Variants in NFASC observed in about 807,000 individuals in gnomAD.
The protein encoded by NFASC is neurofascin homolog.
NFASC carries 43 observed loss-of-function variants against 147.5 expected under a neutral mutation model. The ratio of observed to expected loss-of-function variants is 0.29; its 90% confidence interval spans 0.23 to 0.38. The LOEUF (loss-of-function observed/expected upper bound fraction) is 0.38. Among genes scored for constraint, NFASC ranks in the 10% least tolerant of loss-of-function variants. NFASC has a pLI of 1.00. For missense variants in NFASC, 1,320 were observed against 1,689.0 expected (o/e 0.78, Z 3.83); for synonymous variants, 622 against 665.5 (o/e 0.93, Z 1.01).
At chr1:204,901,291 A>G (rs2084522857) in intron 1 of NFASC, among the ~76,000 whole-genome samples, 1 of 152,136 alleles carries the variant, frequency 6.6e-6, no homozygotes, top group South Asian at 2.1e-4. Context: ...GAGTCCAGAT[A>G]AGATCACCAA....
At chr1:204,927,526 G>C (rs768259704) in intron 2 of NFASC, among the ~76,000 whole-genome samples, 1 of 152,122 alleles carries the variant, frequency 6.6e-6, no homozygotes, top group Non-Finnish European at 1.5e-5. Flanking sequence ...ACCTTTTAAT[G>C]CTAATTCCAA....
At chr1:204,907,041 C>A (rs1042323717) in intron 1 of NFASC, among the ~76,000 whole-genome samples, 1 of 152,196 alleles carries the variant, frequency 6.6e-6, no homozygotes, top group Non-Finnish European at 1.5e-5. Context: ...AACTGCCAAA[C>A]TGCTTTCCAA....
Position 205,017,121 on chromosome 1 carries a change from C to T in NFASC, c.*582C>T, listed in dbSNP as rs367724286. The T allele has an allele frequency of 1.2e-4, 21 of 171,628 alleles. No individual in the cohort carries two copies. The highest frequency in any genetic ancestry group is 1.9e-4 in the Non-Finnish European group (15 of 78,008). 10.6% of individuals were successfully genotyped at this position (171,628 alleles called of 1,614,324 possible). ...ATGCATTTCCAAAGGATGCCTTTCT[C>T]GCCATATGCCTCCCCTGGCCCCCAG... On this transcript the variant is annotated 3_prime_UTR_variant, in exon 30 of 30. Transcript: ENST00000339876.
chr1:204,949,937 C>T (rs1424391536), intron 3 of NFASC, among the ~76,000 whole-genome samples: 1 of 152,196 alleles, frequency 6.6e-6, no homozygotes, highest in East Asian at 1.9e-4. Flanking sequence ...TCTGGAGCCT[C>T]CCATTGAGAA....
At chr1:204,951,834 C>T (rs369784497) in intron 4 of NFASC, among the ~76,000 whole-genome samples, 177 bp from the exon 5 acceptor site, 3 of 152,120 alleles carry the variant, frequency 2.0e-5, no homozygotes, top group Non-Finnish European at 2.9e-5. Flanking sequence ...TTCTTTCCTG[C>T]GGCACCATTT....
chr1:204,970,875 T>C (rs1255501988), intron 11 of NFASC, 128 bp downstream of exon 11: 1 of 1,165,416 alleles, frequency 8.6e-7, no homozygotes, highest in East Asian at 2.4e-5. Flanking sequence ...TGGTGGCTGT[T>C]TCTCAGCTGC....
At chr1:204,871,115 C>T (rs1312630905) in intron 1 of NFASC, 5 of 1,287,838 alleles carry the variant, frequency 3.9e-6, no homozygotes, top group African/African-American at 3.0e-5. Flanking sequence ...CTCATCCTCA[C>T]CCCATTCCTC....
At chr1:204,941,567 C>T (rs376576824) in intron 2 of NFASC, among the ~76,000 whole-genome samples, 1 of 152,252 alleles carries the variant, frequency 6.6e-6, no homozygotes, top group East Asian at 1.9e-4. Context: ...CCCTGCTGCC[C>T]CTGCTGTGCC....
intron 10 of NFASC, among the ~76,000 whole-genome samples, chr1:204,970,022 G>T (rs571578891): frequency 7.6e-6 from 1 of 132,344 alleles, no homozygotes; most frequent in African/African-American, 2.8e-5. Context: ...GTTGCAGTGA[G>T]CCAAGATTGC....
At chr1:204,893,822 T>G (rs2082873127) in intron 1 of NFASC, among the ~76,000 whole-genome samples, 1 of 152,232 alleles carries the variant, frequency 6.6e-6, no homozygotes, top group Admixed American at 6.5e-5. Flanking sequence ...ACAGTAAAGC[T>G]TTGTTGCCCA....
chr1:204,866,827 A>G (rs113643722), intron 1 of NFASC, among the ~76,000 whole-genome samples: 15 of 152,334 alleles, frequency 9.8e-5, no homozygotes, highest in African/African-American at 2.2e-4. Context: ...ATGGAGATAC[A>G]TAATGTCCTT....
At chr1:204,903,998 G>T (rs1358956296) in intron 1 of NFASC, among the ~76,000 whole-genome samples, 2 of 151,966 alleles carry the variant, frequency 1.3e-5, no homozygotes, top group Non-Finnish European at 2.9e-5. Flanking sequence ...CACCAACCTG[G>T]GTTTGATTTT....
chr1:204,916,716 T>TTGTG (rs1284949620), intron 1 of NFASC, among the ~76,000 whole-genome samples: 1 of 53,456 alleles, frequency 1.9e-5, no homozygotes, highest in Non-Finnish European at 4.3e-5. Flanking sequence ...TTTGTTTTTT[T>TTGTG]TGTTTGTTTG....
chr1:204,868,077 C>T (rs1558520921), intron 1 of NFASC, among the ~76,000 whole-genome samples: 2 of 152,220 alleles, frequency 1.3e-5, no homozygotes, highest in South Asian at 2.1e-4. Context: ...GTTGTAATAG[C>T]GTTCACTTTC....
In NFASC at chr1:204,975,522, T is replaced by A. The variant is rs1236921228; in HGVS notation, c.1706+104T>A. Reference sequence around the variant, plus strand: ...AGAACACAGGGACAGGGAACCCGTGTCATGCATGTCACCAAGGAGCTTCTG... The same window carrying A: ...AGAACACAGGGACAGGGAACCCGTGACATGCATGTCACCAAGGAGCTTCTG... On this transcript the variant is annotated intron_variant, in intron 15 of 29. Coordinates refer to ENST00000339876, the MANE Select transcript of NFASC (RefSeq NM_001005388.3). This position sits in a 1 kb window ranked among gnomAD's most constrained non-coding sequence, Gnocchi z 4.0. 1.7e-5 allele frequency: 25 copies of A among 1,440,800 alleles called. 1 individual carries two copies. The highest frequency in any genetic ancestry group is 1.8e-4 in the Middle Eastern group (1 of 5,492). 89.3% of individuals were successfully genotyped at this position (1,440,800 alleles called of 1,614,324 possible).
chr1:204,957,552 G>A (rs1332451721), intron 7 of NFASC, 104 bp from the exon 8 acceptor site: 1 of 1,029,290 alleles, frequency 9.7e-7, no homozygotes, highest in Non-Finnish European at 1.5e-6. Context: ...TCAAGCTCCT[G>A]GTCGCCACCT....
At chr1:204,966,888 A>C (rs1366212445) in intron 8 of NFASC, among the ~76,000 whole-genome samples, 1 of 152,024 alleles carries the variant, frequency 6.6e-6, no homozygotes, top group Admixed American at 6.6e-5. Context: ...TATGAATTGC[A>C]CTCCACCAGT....
chr1:204,835,512 A>G (rs2102406398), intron 1 of NFASC, among the ~76,000 whole-genome samples: 1 of 152,238 alleles, frequency 6.6e-6, no homozygotes, highest in South Asian at 2.1e-4. Context: ...TACAGGCGTG[A>G]GCCACTGCGC....
In NFASC at chr1:205,016,696, C is replaced by G. The variant is rs2096365269; in HGVS notation, c.*157C>G. 1 of 696,900 alleles carries G rather than the reference C, an allele frequency of 1.4e-6. No homozygotes were observed. Among genetic ancestry groups the G allele is most frequent in the Non-Finnish European group, 2.6e-6 (1 of 383,556 alleles). 43.2% of individuals were successfully genotyped at this position (696,900 alleles called of 1,614,324 possible). On this transcript the variant is annotated 3_prime_UTR_variant, in exon 30 of 30. Transcript: ENST00000339876. This position sits in a 1 kb window ranked among gnomAD's most constrained non-coding sequence, Gnocchi z 5.1. ...GCTGTGAGGACCAGTAGCCACCAAGCCACCCACAAGCCCCCTCCCAATGAC... is the reference window on the plus strand; with the variant it reads ...GCTGTGAGGACCAGTAGCCACCAAGGCACCCACAAGCCCCCTCCCAATGAC...
Sources: gnomAD v4.1 joint callset for allele counts (sites outside exome capture counted in the v4.1 genomes callset) on GRCh38, gnomAD v4.1.1 for gene constraint, Gnocchi (gnomAD v3.1) non-coding constraint, MANE v1.5 for transcripts, NCBI Gene and HGNC (gene_info 2026-07-23, HGNC 2026-07-21) for gene names.